EHMT1: variants seen among roughly 807,000 people sequenced by gnomAD.
EHMT1 encodes the protein euchromatic histone lysine methyltransferase 1.
In EHMT1, 15 loss-of-function variants were observed where a neutral mutation model predicts 147.2. The observed-to-expected ratio is 0.10, with a 90% CI of 0.07 to 0.16. The LOEUF is 0.16. EHMT1 is among the 10% of genes least tolerant of loss of function. The pLI, the probability that EHMT1 is intolerant of heterozygous loss-of-function variation, is 1.00. For synonymous variants in EHMT1, 795 were observed against 709.6 expected, an observed-to-expected ratio of 1.12 and a Z score of -1.91; for missense variants, 1,587 against 1,772.4, an observed-to-expected ratio of 0.90 and a Z score of 1.88.
intron 18 of EHMT1, chr9:137,802,917 G>C: frequency 8.1e-7 from 1 of 1,232,688 alleles, no homozygotes; most frequent in South Asian, 4.1e-5. Flanking sequence ...GAGGGAAGCA[G>C]AGGAGCCCTG....
In EHMT1 at chr9:137,787,110, C is replaced by T. The variant is rs1444748978; in HGVS notation, c.2383-3738C>T. The T allele has an allele frequency of 6.6e-6, 1 of 152,440 alleles. No homozygotes were observed. Among genetic ancestry groups the T allele is most frequent in the East Asian group, 1.9e-4 (1 of 5,204 alleles). 9.4% of individuals were successfully genotyped at this position (152,440 alleles called of 1,614,324 possible). On this transcript the variant is annotated intron_variant, in intron 15 of 26. Transcript: ENST00000460843. This position sits in a 1 kb window ranked among gnomAD's most constrained non-coding sequence, Gnocchi z 4.2. ...CGTGTTGCAAGATTTCATGCCGTGT[C>T]TGCAGTTTCTGGAGAGCACTGAGCG...
At chr9:137,729,921 C>T (rs1946959852) in intron 4 of EHMT1, among the ~76,000 whole-genome samples, 1 of 152,212 alleles carries the variant, frequency 6.6e-6, no homozygotes, top group Admixed American at 6.5e-5. Flanking sequence ...TTCCCATTCC[C>T]GACTGTCTTT....
In EHMT1 at chr9:137,635,785, T is replaced by A. The variant is rs370583046; in HGVS notation, c.21+16736T>A. Among the ~76,000 whole-genome samples the A allele has an allele frequency of 5.6e-3, 844 of 150,848 alleles. 7 individuals are homozygous for A. The highest frequency in any genetic ancestry group is 0.012 in the South Asian group (59 of 4,740). ...CAGTGAGCTGAGATGGTGCCACTGC[T>A]CTCCAGCCTGGGCGACAGAGCGAGA... is the stretch of plus-strand genomic sequence containing the variant. On this transcript the variant is annotated intron_variant, in intron 1 of 26. Coordinates refer to ENST00000460843, the MANE Select transcript of EHMT1 (RefSeq NM_024757.5).
intron 3 of EHMT1, among the ~76,000 whole-genome samples, chr9:137,727,556 T>G (rs1336288010): frequency 6.6e-6 from 1 of 152,262 alleles, no homozygotes; most frequent in African/African-American, 2.4e-5. Flanking sequence ...CCCTGTCGTT[T>G]AACACTTTTT....
chr9:137,813,342 A>G lies in EHMT1; in HGVS notation c.3036-44A>G, dbSNP rs1359593923. The G allele has an allele frequency of 3.1e-6, 5 of 1,592,810 alleles. No homozygotes were observed. The highest frequency in any genetic ancestry group is 1.7e-5 in the Admixed American group (1 of 57,814). ...CTGCACGCTGTGCCACCCCCTGGGC[A>G]GAGCACGTCAGCCACCAGGTGACAC... On this transcript the variant is annotated intron_variant, in intron 20 of 26. Coordinates refer to ENST00000460843, the MANE Select transcript of EHMT1 (RefSeq NM_024757.5). This position sits in a 1 kb window ranked among gnomAD's most constrained non-coding sequence, Gnocchi z 4.9.
chr9:137,674,376 AC>A (rs1201397144), intron 1 of EHMT1, among the ~76,000 whole-genome samples: 4 of 152,032 alleles, frequency 2.6e-5, no homozygotes, highest in African/African-American at 9.7e-5. Context: ...ATAAATTAAA[AC>A]CCACAGTAAA....
At chr9:137,796,926 C>T (rs1024869088) in intron 16 of EHMT1, among the ~76,000 whole-genome samples, 8 of 151,970 alleles carry the variant, frequency 5.3e-5, no homozygotes, top group Admixed American at 2.0e-4. Flanking sequence ...TGGTGGGGCG[C>T]GGGGACTGCA....
intron 1 of EHMT1, among the ~76,000 whole-genome samples, chr9:137,663,549 C>T (rs1939307480): frequency 6.6e-6 from 1 of 152,224 alleles, no homozygotes; most frequent in South Asian, 2.1e-4. Flanking sequence ...TAAAAGACTT[C>T]CCATCTCCGT....
At chr9:137,669,225 T>TC (rs1564562014) in intron 1 of EHMT1, among the ~76,000 whole-genome samples, 1 of 151,968 alleles carries the variant, frequency 6.6e-6, no homozygotes, top group Non-Finnish European at 1.5e-5. Context: ...TGTCTCGTCT[T>TC]CCCTCTCGCA....
chr9:137,822,266 T>G (rs1955477625), intron 25 of EHMT1, among the ~76,000 whole-genome samples: 1 of 152,258 alleles, frequency 6.6e-6, no homozygotes, highest in Admixed American at 6.5e-5. Context: ...CCCTGCTGGT[T>G]TATGCCTGCT....
intron 2 of EHMT1, among the ~76,000 whole-genome samples, chr9:137,712,648 A>G (rs537221146): frequency 6.6e-6 from 1 of 152,228 alleles, no homozygotes; most frequent in African/African-American, 2.4e-5. Flanking sequence ...TTGAGTTTTC[A>G]GTGTTCTTTA....
Position 137,834,907 on chromosome 9 carries a change from A to C in EHMT1, c.3851A>C (p.Asp1284Ala). 1.9e-6 allele frequency: 3 copies of C among 1,595,262 alleles called. No individual in the cohort carries two copies. Among genetic ancestry groups the C allele is most frequent in the Middle Eastern group, 2.1e-4 (1 of 4,760 alleles). ...QASAAQEAQE[D>A]GLPDTSSAAA... ...AGCGCGGCCCAGGAGGCCCAGGAGGACGGCTTGCCCGACACCAGCTCCGCG... is the reference window on the plus strand; with the variant it reads ...AGCGCGGCCCAGGAGGCCCAGGAGGCCGGCTTGCCCGACACCAGCTCCGCG... The change falls in exon 27 of 27, where the codon GAC (aspartate) becomes GCC (alanine). Residue 1284 changes from aspartate to alanine, a missense_variant. Asp to Ala is a moderately radical substitution (Grantham distance 126). Around this residue, in one of 7 missense-constraint regions of EHMT1, gnomAD observed 141 missense variants for 150.8 expected, o/e 0.94. Coordinates refer to ENST00000460843, the MANE Select transcript of EHMT1 (RefSeq NM_024757.5).
At chr9:137,736,048 T>A (rs1282585143) in intron 4 of EHMT1, among the ~76,000 whole-genome samples, 2 of 151,368 alleles carry the variant, frequency 1.3e-5, no homozygotes, top group African/African-American at 4.8e-5. Context: ...TACTACATGC[T>A]GTCTATAAGA....
At chr9:137,780,350 A>G (rs1014129635) in intron 14 of EHMT1, among the ~76,000 whole-genome samples, 7 of 76,946 alleles carry the variant, frequency 9.1e-5, no homozygotes, top group Admixed American at 1.9e-4. Flanking sequence ...GATGACGCTG[A>G]GACGTGTGGT....
At position 137,815,847 on chromosome 9, in the gene EHMT1, C is replaced by T. The variant is rs373028713; in HGVS notation, c.3259-100C>T. On this transcript the variant is annotated intron_variant, in intron 22 of 26. Transcript: ENST00000460843. ...GGCCAGAAACCATCGTTTTTATGTC[C>T]GTTTAAGCCACACTGGGCACTTAGT... 119 of 1,016,326 alleles carry T rather than the reference C, an allele frequency of 1.2e-4. No homozygotes were observed. The East Asian group carries it at 2.6e-3, about 23-fold the overall frequency. 63.0% of individuals were successfully genotyped at this position (1,016,326 alleles called of 1,614,324 possible).
intron 15 of EHMT1, chr9:137,785,756 C>T (rs1328253967): frequency 6.6e-6 from 1 of 152,220 alleles, no homozygotes; most frequent in Non-Finnish European, 1.5e-5. Flanking sequence ...ACAAATCATC[C>T]TACTCTGGCC....
chr9:137,750,655 T>C (rs569003358), intron 6 of EHMT1, among the ~76,000 whole-genome samples: 3 of 152,318 alleles, frequency 2.0e-5, no homozygotes, highest in East Asian at 3.9e-4. Context: ...AGCAGGACTT[T>C]TGTGTAACTG....
chr9:137,833,700 C>G (rs1385228755), intron 25 of EHMT1, among the ~76,000 whole-genome samples: 1 of 152,262 alleles, frequency 6.6e-6, no homozygotes, highest in Non-Finnish European at 1.5e-5. Context: ...CACCCGGAAT[C>G]CTGGGCTCCT....
At chr9:137,692,267 C>CTTTTTT (rs11398600) in intron 1 of EHMT1, among the ~76,000 whole-genome samples, 2 of 118,394 alleles carry the variant, frequency 1.7e-5, no homozygotes, top group African/African-American at 3.2e-5. Context: ...TTCTTTCTTT[C>CTTTTTT]TTTTTTTTTT....
Sources: allele counts gnomAD v4.1 joint callset (sites outside exome capture counted in the v4.1 genomes callset), GRCh38; gene constraint gnomAD v4.1.1; regional missense constraint gnomAD v4.1.1; non-coding constraint Gnocchi (gnomAD v3.1); transcripts MANE v1.5; gene names NCBI Gene and HGNC (gene_info 2026-07-23, HGNC 2026-07-21).